The following MRTFA variants were observed in gnomAD, a reference collection of about 807,000 sequenced individuals.
MRTFA encodes myocardin related transcription factor A.
MRTFA carries 20 observed loss-of-function variants against 83.5 expected under a neutral mutation model. The observed-to-expected ratio is 0.24, with a 90% confidence interval of 0.17 to 0.35. The LOEUF is 0.35. Among genes scored for constraint, MRTFA ranks in the 10% least tolerant of loss-of-function variants. MRTFA has a pLI of 1.00. For missense variants in MRTFA, 1,200 were observed against 1,224.7 expected (o/e 0.98, Z 0.30); for synonymous variants, 659 against 541.2 (o/e 1.22, Z -3.02).
chr22:40,484,143 G>A (rs1380971870), intron 3 of MRTFA, among the ~76,000 whole-genome samples: 1 of 150,936 alleles, frequency 6.6e-6, no homozygotes, highest in Non-Finnish European at 1.5e-5. Context: ...AAATGTTTAT[G>A]TATCAAGTTT....
chr22:40,454,466 G>T (rs543580793), intron 4 of MRTFA, among the ~76,000 whole-genome samples: 2 of 152,312 alleles, frequency 1.3e-5, no homozygotes, highest in African/African-American at 2.4e-5. Flanking sequence ...GTAGGTGTGT[G>T]TGTGTGTGTA....
intron 4 of MRTFA, among the ~76,000 whole-genome samples, chr22:40,446,733 G>C (rs527945655): frequency 6.6e-6 from 1 of 152,306 alleles, no homozygotes; most frequent in African/African-American, 2.4e-5. Flanking sequence ...CAAACTTACT[G>C]CAACAGATTA....
At chr22:40,461,628 CAAAA>C (rs71199287) in intron 4 of MRTFA, among the ~76,000 whole-genome samples, 4 of 100,386 alleles carry the variant, frequency 4.0e-5, no homozygotes, top group African/African-American at 7.5e-5. Context: ...ACTAAAAATA[CAAAA>C]AAAAAAAAAA....
At chr22:40,455,750 C>T (rs1402310246) in intron 4 of MRTFA, among the ~76,000 whole-genome samples, 1 of 150,936 alleles carries the variant, frequency 6.6e-6, no homozygotes, top group African/African-American at 2.4e-5. Flanking sequence ...TTGGAGATTA[C>T]AACAGGAGTT....
chr22:40,535,541 T>G (rs57991251), intron 3 of MRTFA, among the ~76,000 whole-genome samples: 3 of 151,880 alleles, frequency 2.0e-5, no homozygotes, highest in African/African-American at 7.3e-5. Context: ...TTAGTAAAGA[T>G]GGGGTTTCAC....
At chr22:40,572,342 G>A (rs1277977074) in intron 2 of MRTFA, among the ~76,000 whole-genome samples, 1 of 152,114 alleles carries the variant, frequency 6.6e-6, no homozygotes, top group Non-Finnish European at 1.5e-5. Flanking sequence ...AGGTGCAGAG[G>A]TGCACATCTA....
chr22:40,480,193 A>AC (rs1187037437), intron 3 of MRTFA, among the ~76,000 whole-genome samples: 1 of 152,096 alleles, frequency 6.6e-6, no homozygotes, highest in Non-Finnish European at 1.5e-5. Flanking sequence ...AGAAATTGGA[A>AC]CCCAGCTCTG....
intron 14 of MRTFA, chr22:40,412,539 G>C (rs1257284435): frequency 3.3e-5 from 5 of 152,224 alleles, no homozygotes; most frequent in Non-Finnish European, 5.9e-5. Flanking sequence ...GTGTTGATAA[G>C]TGCATTCACA....
intron 1 of MRTFA, among the ~76,000 whole-genome samples, chr22:40,630,077 C>G (rs1002075616): frequency 1.1e-4 from 16 of 152,018 alleles, no homozygotes; most frequent in African/African-American, 3.6e-4. Flanking sequence ...CTTTGGGAGG[C>G]CAAGGCAGGC....
intron 3 of MRTFA, among the ~76,000 whole-genome samples, chr22:40,486,277 T>C (rs1279409195): frequency 6.6e-6 from 1 of 152,210 alleles, no homozygotes; most frequent in African/African-American, 2.4e-5. Flanking sequence ...GTTCCCCACC[T>C]GCAAGCCCGA....
intron 3 of MRTFA, 76 bp from the exon 4 acceptor site, chr22:40,463,362 C>CA (rs1000258378): frequency 7.2e-6 from 9 of 1,255,860 alleles, no homozygotes; most frequent in East Asian, 4.7e-5. Context: ...TTTTCAAACG[C>CA]AAAAAAAGTC....
intron 3 of MRTFA, among the ~76,000 whole-genome samples, chr22:40,521,045 C>T (rs1303098457): frequency 1.3e-5 from 2 of 151,826 alleles, no homozygotes; most frequent in Non-Finnish European, 2.9e-5. Context: ...ATAAACAGCT[C>T]ATGTATAAAC....
chr22:40,541,648 CTG>C (rs112837274), intron 3 of MRTFA, among the ~76,000 whole-genome samples: 3 of 150,732 alleles, frequency 2.0e-5, no homozygotes, highest in Non-Finnish European at 3.0e-5. Flanking sequence ...TAGCTGATGG[CTG>C]TGTGTGTGTG....
intron 3 of MRTFA, among the ~76,000 whole-genome samples, chr22:40,500,353 T>G (rs1319725032): frequency 1.3e-5 from 2 of 149,840 alleles, no homozygotes; most frequent in Non-Finnish European, 3.0e-5. Context: ...TTTTTATTTT[T>G]TTTTTAACAT....
intron 2 of MRTFA, among the ~76,000 whole-genome samples, chr22:40,568,945 A>G (rs546591879): frequency 6.6e-6 from 1 of 152,376 alleles, no homozygotes; most frequent in East Asian, 1.9e-4. Flanking sequence ...AAGGTTCTAA[A>G]TTAATCAAGG....
chr22:40,572,196 G>T (rs962232669), intron 2 of MRTFA, among the ~76,000 whole-genome samples: 8 of 152,108 alleles, frequency 5.3e-5, no homozygotes, highest in Non-Finnish European at 4.4e-5. Context: ...CTTTGGTTTG[G>T]GGGGAACAGG....
chr22:40,423,654 G>A lies in MRTFA; in HGVS notation c.809C>T (p.Ser270Phe), dbSNP rs769703646. 5.0e-6 allele frequency: 8 copies of A among 1,584,530 alleles called. No homozygotes were observed. The highest frequency in any genetic ancestry group is 6.9e-6 in the Non-Finnish European group (8 of 1,164,346). The change falls in exon 9 of 15, where the codon TCC becomes TTC. Residue 270 changes from serine to phenylalanine, a missense_variant. By Grantham distance (155) the Ser-to-Phe change is radical (BLOSUM62 -2). Around this residue, in one of 2 missense-constraint regions of MRTFA, gnomAD observed 1,107 missense variants for 1,041.8 expected, o/e 1.06. Coordinates refer to ENST00000355630, the MANE Select transcript of MRTFA (RefSeq NM_020831.6). ...CTCTGCCAGGAAAAGCATTTCTCTG[G>A]AATCCCGGCCCATCGGAAGTTGAGA...
At chr22:40,450,543 T>C (rs1320783304) in intron 4 of MRTFA, among the ~76,000 whole-genome samples, 5 of 151,902 alleles carry the variant, frequency 3.3e-5, no homozygotes, top group Admixed American at 2.0e-4. Flanking sequence ...GCAGCCTCCA[T>C]CTCCCAGATT....
At position 40,418,669 on chromosome 22, in the gene MRTFA, G is replaced by C; in HGVS notation, c.2069C>G (p.Pro690Arg). ...GTTGAATGGGTGAGCGGGGCCCAGG[G>C]GCTGCTGGCTCAGCTGGCAGCTGGA... Residue 690 changes from proline to arginine, a missense_variant, in exon 12 of 15, where the codon CCC becomes CGC. By Grantham distance (103) the Pro-to-Arg change is moderately radical (BLOSUM62 -2). Transcript: ENST00000355630. 6.6e-7 allele frequency: 1 copy of C among 1,524,886 alleles called. No individual in the cohort carries two copies. Among genetic ancestry groups the C allele is most frequent in the Non-Finnish European group, 8.7e-7 (1 of 1,145,688 alleles). 94.5% of individuals were successfully genotyped at this position (1,524,886 alleles called of 1,614,324 possible).
Sources: allele counts gnomAD v4.1 joint callset (sites outside exome capture counted in the v4.1 genomes callset), GRCh38; gene constraint gnomAD v4.1.1; regional missense constraint gnomAD v4.1.1; transcripts MANE v1.5; gene names NCBI Gene and HGNC (gene_info 2026-07-23, HGNC 2026-07-21).